Variants in IGSF11 observed in about 807,000 individuals in gnomAD.
IGSF11 encodes the protein CXADR like 1.
Under a neutral mutation model 41.0 loss-of-function variants are expected in IGSF11, and 22 were observed. That is an observed-to-expected ratio of 0.54 (90% CI 0.38 to 0.77). The LOEUF (loss-of-function observed/expected upper bound fraction) is 0.77, where lower values mean the gene tolerates loss of function less well. IGSF11 is among the 30% of genes least tolerant of loss of function. The probability of loss-of-function intolerance (pLI) is 0.00; values close to 1 mark genes in which losing one functional copy is unlikely to be tolerated. For synonymous variants in IGSF11, 219 were observed against 201.3 expected (o/e 1.09, Z -0.74); for missense variants, 444 against 530.8 (o/e 0.84, Z 1.61).
intron 1 of IGSF11, among the ~76,000 whole-genome samples, chr3:119,043,277 C>A (rs1042382852): frequency 1.3e-5 from 2 of 152,168 alleles, no homozygotes; most frequent in Non-Finnish European, 2.9e-5. Flanking sequence ...ATCATTTTCC[C>A]TCCCCCTGTG....
intron 1 of IGSF11, among the ~76,000 whole-genome samples, chr3:118,943,534 G>A (rs1559936375): frequency 6.6e-6 from 1 of 152,130 alleles, no homozygotes. Flanking sequence ...TAACCCTCTA[G>A]CCAAATCTGA....
intron 1 of IGSF11, among the ~76,000 whole-genome samples, chr3:119,141,042 T>TAAAAAAAAAA (rs35323898): frequency 1.7e-4 from 17 of 99,718 alleles, no homozygotes; most frequent in East Asian, 2.8e-4. Context: ...TCTGTCTCAT[T>TAAAAAAAAAA]AAAAAAAAAA....
At chr3:118,961,312 C>T (rs975690794) in intron 1 of IGSF11, among the ~76,000 whole-genome samples, 4 of 152,250 alleles carry the variant, frequency 2.6e-5, no homozygotes, top group African/African-American at 9.6e-5. Flanking sequence ...TGCATAGAGC[C>T]TGCTCTGCTC....
intron 1 of IGSF11, among the ~76,000 whole-genome samples, chr3:119,052,248 G>A (rs189268368): frequency 1.3e-5 from 2 of 152,250 alleles, no homozygotes; most frequent in African/African-American, 4.8e-5. Context: ...GGGAAGCCAA[G>A]GTGGGTGGAT....
chr3:119,103,147 G>A (rs866758762), intron 1 of IGSF11, among the ~76,000 whole-genome samples: 2 of 151,952 alleles, frequency 1.3e-5, no homozygotes, highest in African/African-American at 4.8e-5. Context: ...ACAGGTGTCC[G>A]CCACCATGAC....
At chr3:118,912,289 T>C (rs559407572) in intron 4 of IGSF11, among the ~76,000 whole-genome samples, 15 of 152,316 alleles carry the variant, frequency 9.8e-5, no homozygotes, top group Non-Finnish European at 1.8e-4. Context: ...TTACTGACCA[T>C]TGTGAGAAAC....
chr3:118,978,237 C>A (rs565051563), intron 1 of IGSF11, among the ~76,000 whole-genome samples: 88 of 152,286 alleles, frequency 5.8e-4, no homozygotes, highest in African/African-American at 2.1e-3. Context: ...GTCCACTCAA[C>A]CTGCTATTAC....
chr3:119,093,391 G>A (rs753749026), intron 1 of IGSF11, among the ~76,000 whole-genome samples: 7 of 146,048 alleles, frequency 4.8e-5, no homozygotes, highest in Non-Finnish European at 1.0e-4. Flanking sequence ...TACACACATG[G>A]GCTTCTGAGA....
intron 1 of IGSF11, among the ~76,000 whole-genome samples, chr3:118,980,406 G>T (rs2107634699): frequency 6.6e-6 from 1 of 152,244 alleles, no homozygotes; most frequent in Middle Eastern, 3.4e-3. Flanking sequence ...TTATGTTAAG[G>T]GAAATAAGCC....
intron 1 of IGSF11, among the ~76,000 whole-genome samples, chr3:118,951,856 T>C (rs1353554623): frequency 1.3e-5 from 2 of 151,464 alleles, no homozygotes; most frequent in Non-Finnish European, 2.9e-5. Flanking sequence ...TTGTATGTTT[T>C]ATCATTGTGT....
intron 1 of IGSF11, among the ~76,000 whole-genome samples, chr3:119,111,974 A>G (rs1238142236): frequency 1.3e-4 from 20 of 152,278 alleles, no homozygotes; most frequent in Middle Eastern, 3.4e-3. Flanking sequence ...AGGAGTACCC[A>G]GCTGTGTGAG....
chr3:119,024,863 T>G (rs1479587575), intron 1 of IGSF11, among the ~76,000 whole-genome samples: 1 of 152,144 alleles, frequency 6.6e-6, no homozygotes, highest in Non-Finnish European at 1.5e-5. Flanking sequence ...ATACAGTGAT[T>G]GAGGTAAAAA....
intron 1 of IGSF11, among the ~76,000 whole-genome samples, chr3:119,137,361 T>C (rs1018435652): frequency 2.0e-5 from 3 of 152,082 alleles, no homozygotes; most frequent in Non-Finnish European, 4.4e-5. Context: ...GATACTGGCA[T>C]AAAAACAGAC....
At chr3:119,122,790 G>C (rs1046478305) in intron 1 of IGSF11, among the ~76,000 whole-genome samples, 1 of 152,156 alleles carries the variant, frequency 6.6e-6, no homozygotes, top group Non-Finnish European at 1.5e-5. Context: ...TGCCTTGAAG[G>C]TCCCATCACC....
intron 1 of IGSF11, among the ~76,000 whole-genome samples, chr3:118,938,883 A>T (rs1370353178): frequency 6.6e-6 from 1 of 152,236 alleles, no homozygotes; most frequent in Non-Finnish European, 1.5e-5. Flanking sequence ...TGACTCATCA[A>T]GAACCTAACA....
At chr3:119,037,386 C>G (rs1940956536), upstream of IGSF11, among the ~76,000 whole-genome samples, 1 of 152,164 alleles carries the variant, frequency 6.6e-6, no homozygotes, top group Non-Finnish European at 1.5e-5. Context: ...TGTCTTAAAG[C>G]TATCTGAGGG....
chr3:118,956,540 C>G (rs974542500), intron 1 of IGSF11, among the ~76,000 whole-genome samples: 9 of 152,226 alleles, frequency 5.9e-5, no homozygotes, highest in African/African-American at 2.2e-4. Context: ...TCTCAGGGAA[C>G]AGGCAGGACA....
chr3:118,993,004 T>G (rs931231265), intron 1 of IGSF11, among the ~76,000 whole-genome samples: 5 of 152,132 alleles, frequency 3.3e-5, no homozygotes, highest in Non-Finnish European at 5.9e-5. Context: ...GGCAGGAGAA[T>G]TGCTTGAAGC....
intron 1 of IGSF11, among the ~76,000 whole-genome samples, chr3:118,985,632 T>G (rs1229663719): frequency 6.6e-6 from 1 of 152,186 alleles, no homozygotes; most frequent in Admixed American, 6.5e-5. Flanking sequence ...CAATTACATA[T>G]ACCCAACAAA....
Sources: gnomAD v4.1 joint callset for allele counts (sites outside exome capture counted in the v4.1 genomes callset) on GRCh38, gnomAD v4.1.1 for gene constraint, MANE v1.5 for transcripts, NCBI Gene and HGNC (gene_info 2026-07-23, HGNC 2026-07-21) for gene names.